Variants in PLCXD3 observed in about 807,000 individuals in gnomAD.
PLCXD3 encodes phosphatidylinositol specific phospholipase C X domain containing 3, also known as PI-PLC X domain-containing protein 3.
PLCXD3 carries 19 observed loss-of-function variants against 25.5 expected under a neutral mutation model. The ratio of observed to expected loss-of-function variants is 0.75; its 90% CI spans 0.52 to 1.09. The LOEUF (loss-of-function observed/expected upper bound fraction) is 1.09. Among genes scored for constraint, PLCXD3 ranks in the 50% least tolerant of loss-of-function variants. The pLI, the probability that PLCXD3 is intolerant of heterozygous loss-of-function variation, is 0.00. For missense variants in PLCXD3, 411 were observed against 388.1 expected (o/e 1.06, Z -0.50); for synonymous variants, 174 against 137.6 (o/e 1.26, Z -1.85).
chr5:41,505,332 T>C (rs1428919717), intron 1 of PLCXD3, among the ~76,000 whole-genome samples: 1 of 152,194 alleles, frequency 6.6e-6, no homozygotes, highest in African/African-American at 2.4e-5. Context: ...TTGTACTCCA[T>C]GTAAGCTATG....
chr5:41,446,201 A>AAAAAAAAAAAG (rs1747498401), intron 1 of PLCXD3, among the ~76,000 whole-genome samples: 1 of 147,764 alleles, frequency 6.8e-6, no homozygotes, highest in Non-Finnish European at 1.5e-5. Context: ...AAAAAAAAAA[A>AAAAAAAAAAAG]GAACAACGAG....
intron 1 of PLCXD3, among the ~76,000 whole-genome samples, chr5:41,494,071 C>A (rs1436354440): frequency 6.6e-6 from 1 of 152,206 alleles, no homozygotes; most frequent in Non-Finnish European, 1.5e-5. Context: ...TCCTATTCAG[C>A]CATCTTGGCT....
At chr5:41,405,954 C>T (rs550926136) in intron 1 of PLCXD3, among the ~76,000 whole-genome samples, 4 of 152,176 alleles carry the variant, frequency 2.6e-5, no homozygotes, top group South Asian at 2.1e-4. Flanking sequence ...TAAAATTGAC[C>T]GGTCACTGTC....
At position 41,313,684 on chromosome 5, in the gene PLCXD3, A is replaced by G; in HGVS notation, c.899T>C (p.Leu300Pro). The G allele has an allele frequency of 6.2e-7, 1 of 1,613,960 alleles. No homozygotes were observed. Among genetic ancestry groups the G allele is most frequent in the Non-Finnish European group, 8.5e-7 (1 of 1,179,870 alleles). Reference protein sequence around the residue: ...INIVTADFVELGDFISTVIKL... With the variant: ...INIVTADFVEPGDFISTVIKL... ...TATGACAGTGCTGATAAAGTCACCA[A>G]GTTCTACAAAATCGGCAGTGACAAT... The change falls in exon 3 of 3, where the codon CTT becomes CCT. Residue 300 changes from leucine (L) to proline (P), a missense_variant. Transcript: ENST00000377801.
intron 2 of PLCXD3, among the ~76,000 whole-genome samples, chr5:41,357,988 T>C (rs1251748752): frequency 6.6e-6 from 1 of 152,232 alleles, no homozygotes; most frequent in Non-Finnish European, 1.5e-5. Flanking sequence ...GGGAATAAGC[T>C]TCTCAAAGAA....
chr5:41,436,432 T>C (rs764862823), intron 1 of PLCXD3, among the ~76,000 whole-genome samples: 1 of 152,174 alleles, frequency 6.6e-6, no homozygotes, highest in Non-Finnish European at 1.5e-5. Flanking sequence ...AGGCAGATAC[T>C]GTTGAAAATA....
intron 1 of PLCXD3, among the ~76,000 whole-genome samples, chr5:41,415,890 G>T (rs148881728): frequency 1.4e-3 from 218 of 152,304 alleles, no homozygotes; most frequent in African/African-American, 4.9e-3. Context: ...GAACTGTGTG[G>T]ATAGGATGTA....
chr5:41,338,660 T>C lies in PLCXD3; in HGVS notation c.813-24890A>G, dbSNP rs374728592. Among the ~76,000 whole-genome samples, 8 of 152,234 alleles carry C rather than the reference T, an allele frequency of 5.3e-5. 1 individual carries two copies. The highest frequency in any genetic ancestry group is 1.9e-4 in the African/African-American group (8 of 41,560). On this transcript the variant is annotated intron_variant, in intron 2 of 2. Transcript: ENST00000377801. ...AGTTTCTTTCTGACCACCCACTAGA[T>C]CTACTTAGGTTAATGTAAAACAAGT...
chr5:41,385,228 C>T (rs767067644), intron 1 of PLCXD3, among the ~76,000 whole-genome samples: 13 of 152,158 alleles, frequency 8.5e-5, no homozygotes, highest in South Asian at 8.3e-4. Flanking sequence ...TTGAACTTTT[C>T]GGCTATATCT....
chr5:41,330,696 A>G (rs1268931016), intron 2 of PLCXD3, among the ~76,000 whole-genome samples: 2 of 152,222 alleles, frequency 1.3e-5, no homozygotes, highest in African/African-American at 2.4e-5. Flanking sequence ...AAAATCCTCA[A>G]TAAAATACTG....
At chr5:41,448,198 T>C (rs1399135593) in intron 1 of PLCXD3, among the ~76,000 whole-genome samples, 1 of 152,188 alleles carries the variant, frequency 6.6e-6, no homozygotes, top group Non-Finnish European at 1.5e-5. Flanking sequence ...GACTGGGACC[T>C]GAACCCCACC....
intron 2 of PLCXD3, among the ~76,000 whole-genome samples, chr5:41,366,952 C>T (rs567210201): frequency 1.3e-5 from 2 of 152,248 alleles, no homozygotes; most frequent in African/African-American, 4.8e-5. Flanking sequence ...TATCCATGTC[C>T]CTGCAAAAGA....
At chr5:41,393,263 A>T (rs946629339) in intron 1 of PLCXD3, among the ~76,000 whole-genome samples, 1 of 152,208 alleles carries the variant, frequency 6.6e-6, no homozygotes, top group South Asian at 2.1e-4. Flanking sequence ...ACCTCAAGGC[A>T]TTTAGTCATC....
chr5:41,465,268 T>C lies in PLCXD3; in HGVS notation c.103+45156A>G, dbSNP rs549682876. Among the ~76,000 whole-genome samples the C allele has an allele frequency of 4.0e-5, 6 of 150,494 alleles. No individual in the cohort carries two copies. The East Asian group carries it at 1.2e-3, about 30-fold the overall frequency. On this transcript the variant is annotated intron_variant, in intron 1 of 2. Coordinates refer to ENST00000377801, the MANE Select transcript of PLCXD3 (RefSeq NM_001005473.3). The stretch of plus-strand genomic sequence containing the variant: ...GTTTCATGGAGGCCTCAGCATTGGC[T>C]ATGTAGCACTGTAGGGAAATTCAGC...
intron 2 of PLCXD3, among the ~76,000 whole-genome samples, chr5:41,320,928 G>T (rs950824105): frequency 1.3e-5 from 2 of 152,132 alleles, no homozygotes; most frequent in African/African-American, 2.4e-5. Context: ...TTAAAAAACT[G>T]GAAATAGAAT....
At chr5:41,371,224 C>T (rs1040757741) in intron 2 of PLCXD3, among the ~76,000 whole-genome samples, 3 of 152,118 alleles carry the variant, frequency 2.0e-5, no homozygotes, top group Admixed American at 1.3e-4. Flanking sequence ...ATACTAGAGG[C>T]TTTTAAGCCA....
intron 2 of PLCXD3, among the ~76,000 whole-genome samples, chr5:41,351,109 C>A (rs1035564497): frequency 6.6e-6 from 1 of 152,082 alleles, no homozygotes; most frequent in Non-Finnish European, 1.5e-5. Flanking sequence ...TCAAAGAAAC[C>A]ACAAATCCTC....
At chr5:41,508,140 G>T (rs952468545) in intron 1 of PLCXD3, among the ~76,000 whole-genome samples, 22 of 152,172 alleles carry the variant, frequency 1.4e-4, no homozygotes, top group Admixed American at 1.4e-3. Context: ...AGATCCATTT[G>T]AGTATAATAC....
chr5:41,439,369 C>A (rs1212841953), intron 1 of PLCXD3, among the ~76,000 whole-genome samples: 1 of 152,188 alleles, frequency 6.6e-6, no homozygotes, highest in Non-Finnish European at 1.5e-5. Context: ...TGAAAGACTG[C>A]ATTTCCCAAT....
Sources: gnomAD v4.1 joint callset for allele counts (sites outside exome capture counted in the v4.1 genomes callset) on GRCh38, gnomAD v4.1.1 for gene constraint, MANE v1.5 for transcripts, NCBI Gene and HGNC (gene_info 2026-07-23, HGNC 2026-07-21) for gene names.